Variants in UMAD1 observed in about 807,000 individuals in gnomAD.
The protein encoded by UMAD1 is UBAP1-MVB12-associated (UMA)-domain containing protein 1.
A neutral mutation model predicts 6.1 loss-of-function variants in UMAD1; 8 were observed. The ratio of observed to expected loss-of-function variants is 1.30; its 90% confidence interval spans 0.76 to 2.35. The LOEUF is 2.35. UMAD1 is among the 30% of genes most tolerant of loss of function. The pLI is 0.00. For synonymous variants in UMAD1, 56 were observed against 31.4 expected, an observed-to-expected ratio of 1.78 and a Z score of -2.61; for missense variants, 130 against 78.4, an observed-to-expected ratio of 1.66 and a Z score of -2.49.
intron 2 of UMAD1, chr7:7,692,568 C>T (rs775112745): frequency 1.3e-5 from 2 of 152,092 alleles, no homozygotes; most frequent in Non-Finnish European, 2.9e-5. Context: ...TTAGAAATTC[C>T]ACTTTTAGTA....
chr7:7,720,578 T>C (rs1781027004), intron 2 of UMAD1, among the ~76,000 whole-genome samples: 1 of 152,192 alleles, frequency 6.6e-6, no homozygotes, highest in Admixed American at 6.6e-5. Flanking sequence ...AGAAAAATTT[T>C]CACTGTCATC....
rs75529311 is a variant in UMAD1 at position 7,822,569 on chromosome 7, A to G, written c.156+20826A>G. On this transcript the variant is annotated intron_variant, in intron 3 of 3. Coordinates refer to ENST00000682710, the MANE Select transcript of UMAD1 (RefSeq NM_001302348.2). ...GGAGGTCTATATCCCACCAGCACACAGACCACTTGGTATCTGCCCTGTAAG... is the reference window on the plus strand; with the variant it reads ...GGAGGTCTATATCCCACCAGCACACGGACCACTTGGTATCTGCCCTGTAAG... Among the ~76,000 whole-genome samples, 8 of 152,252 alleles carry G rather than the reference A, an allele frequency of 5.3e-5. No individual in the cohort carries two copies. The East Asian group carries it at 1.5e-3, about 29-fold the overall frequency.
At chr7:7,780,998 T>G (rs757766593) in intron 2 of UMAD1, among the ~76,000 whole-genome samples, 1 of 152,160 alleles carries the variant, frequency 6.6e-6, no homozygotes, top group Non-Finnish European at 1.5e-5. Context: ...TTGAAGAAAT[T>G]TCTGATCATT....
intron 3 of UMAD1, among the ~76,000 whole-genome samples, chr7:7,829,698 G>T (rs1783423821): frequency 6.6e-6 from 1 of 152,070 alleles, no homozygotes; most frequent in Non-Finnish European, 1.5e-5. Context: ...AAACAATTTT[G>T]TATACTTTCC....
intron 2 of UMAD1, among the ~76,000 whole-genome samples, chr7:7,732,756 G>A (rs1378625522): frequency 1.3e-5 from 2 of 152,286 alleles, no homozygotes; most frequent in African/African-American, 4.8e-5. Flanking sequence ...ATAGTTCAGT[G>A]GGATAGGTCA....
In UMAD1 at chr7:7,832,927, CAG is replaced by C. The variant is rs576644601; in HGVS notation, c.156+31185_156+31186del. Among the ~76,000 whole-genome samples the C allele has an allele frequency of 4.5e-3, 690 of 152,148 alleles. 5 individuals are homozygous for C. Among genetic ancestry groups the C allele is most frequent in the African/African-American group, 0.015 (641 of 41,502 alleles). On this transcript the variant is annotated intron_variant, in intron 3 of 3. Transcript: ENST00000682710. Reference sequence around the variant, plus strand: ...AATGGGTCGGTCAGCTTTTCATAGACAGGGGGGAACGTTTGATGGAAATGAGG... The same window carrying C: ...AATGGGTCGGTCAGCTTTTCATAGACGGGGGAACGTTTGATGGAAATGAGG...
At chr7:7,691,022 A>G (rs552613712) in intron 2 of UMAD1, among the ~76,000 whole-genome samples, 12 of 152,222 alleles carry the variant, frequency 7.9e-5, no homozygotes, top group Non-Finnish European at 1.3e-4. Context: ...TGAAGCATGT[A>G]GAGCTCAGCA....
chr7:7,671,796 C>G (rs11762695), intron 1 of UMAD1, among the ~76,000 whole-genome samples: 8,745 of 152,178 alleles, frequency 0.057, 324 homozygotes, highest in Middle Eastern at 0.13. Flanking sequence ...GAGTGCCAAA[C>G]TGTTTTCAAA....
At chr7:7,731,145 C>T (rs1161107242) in intron 2 of UMAD1, among the ~76,000 whole-genome samples, 1 of 152,028 alleles carries the variant, frequency 6.6e-6, no homozygotes, top group Non-Finnish European at 1.5e-5. Flanking sequence ...ACTACAAGTG[C>T]GTGCCACCAC....
chr7:7,790,866 G>A (rs1303478084), intron 2 of UMAD1, among the ~76,000 whole-genome samples: 3 of 151,974 alleles, frequency 2.0e-5, no homozygotes, highest in Non-Finnish European at 4.4e-5. Flanking sequence ...TACATGATCT[G>A]TGATTTGCAA....
intron 3 of UMAD1, among the ~76,000 whole-genome samples, chr7:7,808,483 A>G (rs1020641966): frequency 6.6e-6 from 1 of 152,084 alleles, no homozygotes; most frequent in African/African-American, 2.4e-5. Flanking sequence ...TTACCAGCGG[A>G]CCTGTTCTTT....
chr7:7,735,894 G>A (rs1212525012), intron 2 of UMAD1: 1 of 152,182 alleles, frequency 6.6e-6, no homozygotes, highest in Non-Finnish European at 1.5e-5. Flanking sequence ...AAAAGTTTGT[G>A]CCATCATTAG....
intron 2 of UMAD1, among the ~76,000 whole-genome samples, chr7:7,785,936 T>A (rs967682601): frequency 5.3e-5 from 8 of 152,230 alleles, no homozygotes; most frequent in African/African-American, 1.9e-4. Flanking sequence ...TATATCATAT[T>A]CATGTATTCT....
At chr7:7,694,293 G>T (rs1175878353) in intron 2 of UMAD1, among the ~76,000 whole-genome samples, 1 of 151,970 alleles carries the variant, frequency 6.6e-6, no homozygotes, top group Non-Finnish European at 1.5e-5. Flanking sequence ...ATGAGATTTT[G>T]ATACAGGCAT....
chr7:7,797,929 C>T (rs1306107472), intron 2 of UMAD1, among the ~76,000 whole-genome samples: 1 of 152,150 alleles, frequency 6.6e-6, no homozygotes, highest in Non-Finnish European at 1.5e-5. Flanking sequence ...TCAAGTGATC[C>T]ACCTGCCTGA....
chr7:7,865,560 A>G (rs1461250205), intron 3 of UMAD1, among the ~76,000 whole-genome samples: 2 of 152,204 alleles, frequency 1.3e-5, no homozygotes, highest in Non-Finnish European at 2.9e-5. Flanking sequence ...TTTTCCTCTA[A>G]CAGAGGTGAA....
Position 7,750,524 on chromosome 7 carries a change from CTTT to C in UMAD1, c.83-51145_83-51143del, listed in dbSNP as rs111973270. ...CTACCTGATTTCTTGATTATAGCTT[CTTT>C]AATGACGGCCCATTTTATATTATAC... On this transcript the variant is annotated intron_variant, in intron 2 of 3. Transcript: ENST00000682710. Among the ~76,000 whole-genome samples, 629 of 152,266 alleles carry C rather than the reference CTTT, an allele frequency of 4.1e-3. 10 individuals carry two copies. Among genetic ancestry groups the C allele is most frequent in the South Asian group, 0.023 (111 of 4,824 alleles).
At chr7:7,717,453 A>AG (rs1440862925) in intron 2 of UMAD1, among the ~76,000 whole-genome samples, 9 of 152,216 alleles carry the variant, frequency 5.9e-5, no homozygotes, top group African/African-American at 2.2e-4. Flanking sequence ...AACCTCAGGT[A>AG]TTTACCTCAG....
intron 1 of UMAD1, among the ~76,000 whole-genome samples, chr7:7,669,271 T>A (rs1779547477): frequency 6.6e-6 from 1 of 152,056 alleles, no homozygotes; most frequent in African/African-American, 2.4e-5. Context: ...TGATATAGGG[T>A]CTGACACACT....
Sources: allele counts gnomAD v4.1 joint callset (sites outside exome capture counted in the v4.1 genomes callset), GRCh38; gene constraint gnomAD v4.1.1; transcripts MANE v1.5; gene names NCBI Gene and HGNC (gene_info 2026-07-23, HGNC 2026-07-21).